The following DNAH12 variants were observed in gnomAD, a reference collection of about 807,000 sequenced individuals.
The protein encoded by DNAH12 is dynein axonemal heavy chain 12.
Under a neutral mutation model 371.5 loss-of-function variants are expected in DNAH12, and 285 were observed. The observed-to-expected ratio is 0.77, with a 90% CI of 0.70 to 0.85. The LOEUF is 0.85. Ranked by LOEUF, DNAH12 falls within the 40% of genes least tolerant of loss-of-function variation. The pLI, the probability that DNAH12 is intolerant of heterozygous loss-of-function variation, is 0.00. For missense variants in DNAH12, 3,611 were observed against 3,689.4 expected (o/e 0.98, Z 0.55); for synonymous variants, 1,200 against 1,213.0 (o/e 0.99, Z 0.22).
At chr3:57,316,091 T>C (rs1228127833) in intron 65 of DNAH12, among the ~76,000 whole-genome samples, 1 of 151,968 alleles carries the variant, frequency 6.6e-6, no homozygotes, top group African/African-American at 2.4e-5. Flanking sequence ...TAAAAAACTT[T>C]TAAACATTAA....
chr3:57,323,755 C>A (rs2061864544), intron 62 of DNAH12, 136 bp from the exon 63 acceptor site: 1 of 878,628 alleles, frequency 1.1e-6, no homozygotes, highest in East Asian at 3.0e-5. Flanking sequence ...AGACAAAGCA[C>A]TAATTTCTCT....
In DNAH12 at chr3:57,391,235, G is replaced by A. The variant is rs2063615959; in HGVS notation, c.7305+637C>T. Among the ~76,000 whole-genome samples, 4 of 152,282 alleles carry A rather than the reference G, an allele frequency of 2.6e-5. No homozygotes were observed. In the South Asian group the frequency reaches 6.2e-4, roughly 24 times the overall value. The stretch of plus-strand genomic sequence containing the variant: ...AAGCAGAGTGCCCTCCCTAATGTCA[G>A]TGGGCTGCATCCAATTGTCCTTGTC... On this transcript the variant is annotated intron_variant, in intron 45 of 73. Coordinates refer to ENST00000495027, the MANE Select transcript of DNAH12 (RefSeq NM_001366028.2).
intron 58 of DNAH12, among the ~76,000 whole-genome samples, chr3:57,361,260 G>A (rs981450469): frequency 5.3e-5 from 8 of 151,632 alleles, no homozygotes; most frequent in African/African-American, 1.7e-4. Flanking sequence ...TGAGGCAGGA[G>A]AATTCCTTGA....
chr3:57,469,713 A>T (rs994168401), intron 16 of DNAH12, among the ~76,000 whole-genome samples: 1 of 152,226 alleles, frequency 6.6e-6, no homozygotes, highest in African/African-American at 2.4e-5. Context: ...CATTATCCTA[A>T]GCAAATTGAT....
At chr3:57,440,102 G>A (rs754009673) in intron 29 of DNAH12, among the ~76,000 whole-genome samples, 12 of 152,312 alleles carry the variant, frequency 7.9e-5, no homozygotes, top group East Asian at 5.8e-4. Context: ...TTCAGTCACC[G>A]TGGAAAGCAG....
chr3:57,351,129 C>T (rs2062662323), intron 60 of DNAH12, among the ~76,000 whole-genome samples: 1 of 151,868 alleles, frequency 6.6e-6, no homozygotes, highest in Admixed American at 6.6e-5. Context: ...ATTAGCTGGG[C>T]ATGGTGGTGC....
intron 58 of DNAH12, among the ~76,000 whole-genome samples, chr3:57,359,256 T>C (rs2062867462): frequency 6.6e-6 from 1 of 152,084 alleles, no homozygotes; most frequent in African/African-American, 2.4e-5. Context: ...AACAAGATAT[T>C]TTCTAAGAAA....
intron 65 of DNAH12, among the ~76,000 whole-genome samples, chr3:57,319,291 T>C (rs2061752640): frequency 6.6e-6 from 1 of 152,178 alleles, no homozygotes; most frequent in African/African-American, 2.4e-5. Context: ...TGGTTTTCTA[T>C]ATACATAAGA....
At chr3:57,447,597 TTA>T (rs2065553456) in intron 25 of DNAH12, among the ~76,000 whole-genome samples, 1 of 149,188 alleles carries the variant, frequency 6.7e-6, no homozygotes, top group South Asian at 2.1e-4. Flanking sequence ...ATAAATATTT[TTA>T]CTTTATTTTT....
At chr3:57,437,834 G>A (rs750522450) in intron 29 of DNAH12, among the ~76,000 whole-genome samples, 1 of 152,122 alleles carries the variant, frequency 6.6e-6, no homozygotes, top group Non-Finnish European at 1.5e-5. Flanking sequence ...CCTACTACAG[G>A]GAAGGGCCAA....
Position 57,468,900 on chromosome 3 carries a change from TA to T in DNAH12, c.2184del (p.Phe728LeufsTer4). 3 of 1,527,180 alleles carry T rather than the reference TA, an allele frequency of 2.0e-6. No individual in the cohort carries two copies. The highest frequency in any genetic ancestry group is 2.6e-6 in the Non-Finnish European group (3 of 1,140,954). The allele number at this position is 1,527,180 out of a possible 1,614,324, so 94.6% of individuals were successfully genotyped here. A position where few individuals can be genotyped will look rare whatever the true frequency, so the allele number is the denominator to read the frequency against. ...TTCGTTTGGAAAAATTTTAGTGTCT[TA>T]AAAATTTCTCGGGAAAACTCTTCCA... ...ADVEEFSREI[F>X]KTLKFFQTKL... On this transcript the variant is annotated frameshift_variant, in exon 17 of 74. Transcript: ENST00000495027. LOFTEE classifies it high-confidence loss of function.
chr3:57,305,373 G>A (rs1196896264), intron 69 of DNAH12, among the ~76,000 whole-genome samples: 4 of 151,796 alleles, frequency 2.6e-5, no homozygotes, highest in African/African-American at 9.7e-5. Flanking sequence ...GCCGAGCTAG[G>A]TCCCAATTCT....
intron 19 of DNAH12, 148 bp from the exon 20 acceptor site, chr3:57,459,934 G>T: frequency 1.5e-6 from 1 of 684,288 alleles, no homozygotes; most frequent in Non-Finnish European, 2.1e-6. Context: ...TCTCACAAAG[G>T]CTTAGAAAAA....
intron 34 of DNAH12, among the ~76,000 whole-genome samples, chr3:57,425,526 C>T (rs1394585249): frequency 6.6e-6 from 1 of 152,128 alleles, no homozygotes; most frequent in African/African-American, 2.4e-5. Context: ...GCCTCAGCCT[C>T]CCAAAGTGCT....
chr3:57,397,307 G>A (rs2153349598), intron 43 of DNAH12, among the ~76,000 whole-genome samples: 1 of 150,126 alleles, frequency 6.7e-6, no homozygotes, highest in South Asian at 2.1e-4. Context: ...AACAAGAGAA[G>A]GGACTGTTCC....
chr3:57,537,770 C>T (rs1029152883), intron 2 of DNAH12, among the ~76,000 whole-genome samples: 2 of 151,368 alleles, frequency 1.3e-5, no homozygotes, highest in African/African-American at 2.4e-5. Context: ...CTGCAACCTC[C>T]GCCTCCAGGG....
At chr3:57,555,925 G>A in the DNAH12 span, among the ~76,000 whole-genome samples, 3,642 of 152,314 alleles carry the variant, frequency 0.024, 136 homozygotes, top group African/African-American at 0.083. Context: ...TCCGGGTGGA[G>A]GCCTCCACGT....
chr3:57,438,918 C>CAAAAAAAAAAAAAAAA lies in DNAH12; in HGVS notation c.4546-1859_4546-1858insTTTTTTTTTTTTTTTT, dbSNP rs57608649. 6.9e-4 allele frequency among the ~76,000 whole-genome samples: 65 copies of CAAAAAAAAAAAAAAAA among 94,446 alleles called. 1 individual carries two copies. The highest frequency in any genetic ancestry group is 8.8e-4 in the African/African-American group (22 of 24,906). The allele number at this position is 94,446 out of a possible 152,430, so 62.0% of individuals were successfully genotyped here. On this transcript the variant is annotated intron_variant, in intron 29 of 73. Coordinates refer to ENST00000495027, the MANE Select transcript of DNAH12 (RefSeq NM_001366028.2). Reference sequence around the variant, plus strand: ...CAACAGAGTGAAACTCTGTCTCAGACAAAAAAAAAAAAAAGGAAAGCAACT... The same window carrying CAAAAAAAAAAAAAAAA: ...CAACAGAGTGAAACTCTGTCTCAGACAAAAAAAAAAAAAAAAAAAAAAAAAAAAAAGGAAAGCAACT...
At chr3:57,523,713 T>C (rs1322456266) in intron 3 of DNAH12, 90 bp downstream of exon 3, 1 of 1,307,116 alleles carries the variant, frequency 7.7e-7, no homozygotes, top group Non-Finnish European at 1.0e-6. Context: ...CTATTATTCC[T>C]TTTAAAAACA....
Sources: allele counts gnomAD v4.1 joint callset (sites outside exome capture counted in the v4.1 genomes callset), GRCh38; gene constraint gnomAD v4.1.1; transcripts MANE v1.5; gene names NCBI Gene and HGNC (gene_info 2026-07-23, HGNC 2026-07-21).